Variants in SORCS2 observed in about 807,000 individuals in gnomAD.
The protein encoded by SORCS2 is VPS10 domain-containing receptor SorCS2.
Under a neutral mutation model 141.6 loss-of-function variants are expected in SORCS2, and 100 were observed. That is an observed-to-expected ratio of 0.71 (90% CI 0.60 to 0.83). The LOEUF (loss-of-function observed/expected upper bound fraction) is 0.83, where lower values mean the gene tolerates loss of function less well. SORCS2 is among the 40% of genes least tolerant of loss of function. SORCS2 has a pLI of 0.00. For synonymous variants in SORCS2, 789 were observed against 676.9 expected, an observed-to-expected ratio of 1.17 and a Z score of -2.57; for missense variants, 1,646 against 1,560.2, an observed-to-expected ratio of 1.05 and a Z score of -0.93.
At chr4:7,598,229 A>G (rs1474897553) in intron 3 of SORCS2, among the ~76,000 whole-genome samples, 1 of 151,942 alleles carries the variant, frequency 6.6e-6, no homozygotes, top group African/African-American at 2.4e-5. Context: ...AGCCTTCCAA[A>G]GTGCTGGGAT....
At position 7,737,109 on chromosome 4, in the gene SORCS2, GAGA is replaced by G. The variant is rs1294816265; in HGVS notation, c.3355_3357del (p.Lys1119del). On this transcript the variant is annotated inframe_deletion, in exon 26 of 27. Coordinates refer to ENST00000507866, the MANE Select transcript of SORCS2 (RefSeq NM_020777.3). ...GACCGTGTACGCCCAAATGCACAAC[GAGA>G]AGGAGCAGGAGATGACCAGCCCTGT... The G allele has an allele frequency of 3.2e-6, 5 of 1,551,456 alleles. No individual in the cohort carries two copies. The highest frequency in any genetic ancestry group is 4.4e-6 in the Non-Finnish European group (5 of 1,146,968).
At chr4:7,352,678 G>A (rs1050812649) in intron 1 of SORCS2, among the ~76,000 whole-genome samples, 7 of 152,218 alleles carry the variant, frequency 4.6e-5, no homozygotes, top group African/African-American at 1.7e-4. Context: ...TCACTTGGCA[G>A]TGCATCCTCA....
At chr4:7,581,394 T>C (rs1245222330) in intron 3 of SORCS2, among the ~76,000 whole-genome samples, 1 of 152,234 alleles carries the variant, frequency 6.6e-6, no homozygotes, top group Non-Finnish European at 1.5e-5. Context: ...AGCATGCTTC[T>C]ATTCATCTTA....
At chr4:7,668,708 T>TAA (rs1722637895) in intron 8 of SORCS2, among the ~76,000 whole-genome samples, 1 of 152,196 alleles carries the variant, frequency 6.6e-6, no homozygotes, top group South Asian at 2.1e-4. Context: ...GTATGTAAAT[T>TAA]AAAAGCTAAT....
intron 2 of SORCS2, among the ~76,000 whole-genome samples, chr4:7,531,169 C>A (rs1711604256): frequency 6.6e-6 from 1 of 152,208 alleles, no homozygotes; most frequent in Admixed American, 6.5e-5. Flanking sequence ...TGAACTATCC[C>A]TTTGGAGGCT....
chr4:7,586,389 T>C (rs540899053), intron 3 of SORCS2, among the ~76,000 whole-genome samples: 2 of 152,306 alleles, frequency 1.3e-5, no homozygotes, highest in African/African-American at 4.8e-5. Context: ...CATAGGTAAA[T>C]GTGTGCCATA....
At chr4:7,296,083 C>T (rs1717029883) in intron 1 of SORCS2, among the ~76,000 whole-genome samples, 1 of 152,188 alleles carries the variant, frequency 6.6e-6, no homozygotes, top group Non-Finnish European at 1.5e-5. Context: ...GTGTTGGAAC[C>T]CAGCACCTGC....
intron 7 of SORCS2, among the ~76,000 whole-genome samples, chr4:7,665,124 C>A (rs547860052): frequency 3.9e-5 from 6 of 152,306 alleles, no homozygotes; most frequent in African/African-American, 1.2e-4. Context: ...TAAAACAAAT[C>A]CAAAGTTTCC....
intron 3 of SORCS2, among the ~76,000 whole-genome samples, chr4:7,557,929 T>C (rs1714256173): frequency 6.6e-6 from 1 of 152,090 alleles, no homozygotes; most frequent in Admixed American, 6.5e-5. Flanking sequence ...ATGAAGAAAA[T>C]GAGGCTCAGA....
chr4:7,252,088 T>TGCA (rs1713542986), intron 1 of SORCS2, among the ~76,000 whole-genome samples: 6 of 152,218 alleles, frequency 3.9e-5, no homozygotes, highest in Non-Finnish European at 8.8e-5. Context: ...CCCTGACCCC[T>TGCA]GCAGTACCAC....
chr4:7,697,335 C>A, intron 12 of SORCS2, 61 bp downstream of exon 12: 1 of 1,377,472 alleles, frequency 7.3e-7, no homozygotes, highest in Non-Finnish European at 1.0e-6. Flanking sequence ...CCTCAGGAGA[C>A]ACTTCTGTTC....
In SORCS2 at chr4:7,581,514, T is replaced by C. The variant is rs372975523; in HGVS notation, c.648+49885T>C. On this transcript the variant is annotated intron_variant, in intron 3 of 26. Transcript: ENST00000507866. The stretch of plus-strand genomic sequence containing the variant: ...TCAAGGCGTATGTTACGCATGTGGC[T>C]GCTATGACATCTGGGGTGGAGGAGG... Among the ~76,000 whole-genome samples, 5 of 152,308 alleles carry C rather than the reference T, an allele frequency of 3.3e-5. 1 individual carries two copies. The highest frequency in any genetic ancestry group is 1.2e-4 in the African/African-American group (5 of 41,582).
At chr4:7,733,207 C>G (rs1189405894) in intron 23 of SORCS2, 115 bp from the exon 24 acceptor site, 7 of 581,436 alleles carry the variant, frequency 1.2e-5, no homozygotes, top group Non-Finnish European at 1.1e-5. Flanking sequence ...GTAGAAGACC[C>G]CCCCAACACG....
intron 1 of SORCS2, among the ~76,000 whole-genome samples, chr4:7,345,065 C>T (rs543557697): frequency 5.3e-4 from 80 of 152,238 alleles, no homozygotes; most frequent in South Asian, 1.7e-3. Context: ...CAAGTTTCCT[C>T]CCAGGGACTT....
chr4:7,525,870 AGT>A (rs71175412), intron 2 of SORCS2, among the ~76,000 whole-genome samples: 1 of 100,744 alleles, frequency 9.9e-6, no homozygotes, highest in African/African-American at 4.3e-5. Flanking sequence ...TCCCCTCCTC[AGT>A]CACCTGTCCC....
rs1315421404 is a variant in SORCS2 at position 7,394,801 on chromosome 4, C to G, written c.481-1487C>G. 3.3e-5 allele frequency among the ~76,000 whole-genome samples: 5 copies of G among 152,234 alleles called. No individual in the cohort carries two copies. The East Asian group carries it at 5.8e-4, about 18-fold the overall frequency. ...GCCCTCCAGAGCCGAGCTCCACCCC[C>G]CGAGGCCAGGGCAGAGCCTGGATCT... On this transcript the variant is annotated intron_variant, in intron 1 of 26. Transcript: ENST00000507866.
At chr4:7,550,355 ACACTTCCC>A (rs1391103101) in intron 3 of SORCS2, among the ~76,000 whole-genome samples, 1 of 152,164 alleles carries the variant, frequency 6.6e-6, no homozygotes, top group African/African-American at 2.4e-5. Context: ...GCAGAGGACA[ACACTTCCC>A]AGGGCCTCAG....
intron 2 of SORCS2, among the ~76,000 whole-genome samples, chr4:7,446,404 C>T (rs948131374): frequency 6.6e-6 from 1 of 152,144 alleles, no homozygotes; most frequent in African/African-American, 2.4e-5. Context: ...ATTGGGGCTT[C>T]AATATATGAA....
At chr4:7,407,441 T>C (rs1725037139) in intron 2 of SORCS2, among the ~76,000 whole-genome samples, 1 of 152,116 alleles carries the variant, frequency 6.6e-6, no homozygotes. Context: ...TGACCTGCTT[T>C]GTGTCTTTTT....
Sources: gnomAD v4.1 joint callset for allele counts (sites outside exome capture counted in the v4.1 genomes callset) on GRCh38, gnomAD v4.1.1 for gene constraint, MANE v1.5 for transcripts, NCBI Gene and HGNC (gene_info 2026-07-23, HGNC 2026-07-21) for gene names.